Variants in SPTBN1 observed in about 807,000 individuals in gnomAD.
SPTBN1 encodes the protein spectrin beta chain, non-erythrocytic 1.
Under a neutral mutation model 266.4 loss-of-function variants are expected in SPTBN1, and 32 were observed. The ratio of observed to expected loss-of-function variants is 0.12; its 90% CI spans 0.09 to 0.16. The LOEUF is 0.16. Ranked by LOEUF, SPTBN1 falls within the 10% of genes least tolerant of loss-of-function variation. SPTBN1 has a pLI of 1.00. For missense variants in SPTBN1, 2,296 were observed against 3,067.1 expected (o/e 0.75, Z 5.94); for synonymous variants, 1,336 against 1,162.2 (o/e 1.15, Z -3.04).
intron 6 of SPTBN1, among the ~76,000 whole-genome samples, 176 bp from the exon 7 acceptor site, chr2:54,617,902 T>G (rs1677718193): frequency 2.6e-5 from 4 of 152,218 alleles, no homozygotes; most frequent in Admixed American, 2.6e-4. Context: ...TAATTAACTT[T>G]GAAGTGTTTA....
rs529188290 is a variant in SPTBN1 at position 54,515,077 on chromosome 2, A to G, written c.-47-11295A>G. 7.9e-5 allele frequency among the ~76,000 whole-genome samples: 12 copies of G among 152,286 alleles called. 1 individual carries two copies. Among genetic ancestry groups the G allele is most frequent in the African/African-American group, 2.6e-4 (11 of 41,554 alleles). ...AAAACCTAAGATGAGTGCTTGTGAC[A>G]TTTTGCAGACCCTGTCCTCGATGGA... On this transcript the variant is annotated intron_variant, in intron 1 of 35. Transcript: ENST00000356805.
At chr2:54,511,703 A>G (rs1475685464) in intron 1 of SPTBN1, among the ~76,000 whole-genome samples, 1 of 151,982 alleles carries the variant, frequency 6.6e-6, no homozygotes, top group Non-Finnish European at 1.5e-5. Context: ...GTCTCTACTA[A>G]AAATACAAAA....
intron 1 of SPTBN1, among the ~76,000 whole-genome samples, chr2:54,470,145 T>G (rs1693847831): frequency 6.6e-6 from 1 of 152,246 alleles, no homozygotes; most frequent in South Asian, 2.1e-4. Context: ...TCTAGAAATC[T>G]TGCTTAATTC....
At chr2:54,595,796 C>T (rs1676040894) in intron 2 of SPTBN1, among the ~76,000 whole-genome samples, 1 of 152,182 alleles carries the variant, frequency 6.6e-6, no homozygotes, top group Admixed American at 6.5e-5. Flanking sequence ...TTATGGGAGC[C>T]ATCCTGTGTA....
intron 1 of SPTBN1, among the ~76,000 whole-genome samples, chr2:54,480,045 A>G (rs1380734964): frequency 6.6e-6 from 1 of 152,120 alleles, no homozygotes; most frequent in African/African-American, 2.4e-5. Flanking sequence ...GCTTTATCTG[A>G]GCCCTTTCCT....
In SPTBN1 at chr2:54,664,421, A is replaced by G; in HGVS notation, c.6421-32A>G. 2 of 1,596,482 alleles carry G rather than the reference A, an allele frequency of 1.3e-6. No individual in the cohort carries two copies. The highest frequency in any genetic ancestry group is 1.7e-6 in the Non-Finnish European group (2 of 1,166,570). On this transcript the variant is annotated intron_variant, in intron 32 of 35. Transcript: ENST00000356805. The surrounding 1 kb of genome is among the most constrained non-coding windows in gnomAD (Gnocchi z 5.6). ...ATGTGGTCACCCCCATGGCTCACGG[A>G]GTTAGCTGAATGGCCTCTCCGCTGT... is the stretch of plus-strand genomic sequence containing the variant.
intron 1 of SPTBN1, among the ~76,000 whole-genome samples, chr2:54,496,439 TAA>T (rs10623542): frequency 1.7e-4 from 21 of 126,330 alleles, no homozygotes; most frequent in Admixed American, 3.4e-4. Context: ...CTCCGTGTCT[TAA>T]AAAAAAAAAA....
intron 2 of SPTBN1, among the ~76,000 whole-genome samples, chr2:54,550,273 G>A (rs1253689624): frequency 1.3e-5 from 2 of 152,166 alleles, no homozygotes; most frequent in African/African-American, 4.8e-5. Context: ...AATTATTCAG[G>A]GGCTGTGCCC....
At chr2:54,485,316 G>A (rs1335252779) in intron 1 of SPTBN1, among the ~76,000 whole-genome samples, 1 of 150,276 alleles carries the variant, frequency 6.7e-6, no homozygotes, top group Non-Finnish European at 1.5e-5. Flanking sequence ...TCAGCCTGCC[G>A]AGTGCCTGCA....
chr2:54,610,134 C>G (rs756888691), intron 3 of SPTBN1, among the ~76,000 whole-genome samples: 6 of 150,700 alleles, frequency 4.0e-5, no homozygotes, highest in Non-Finnish European at 8.9e-5. Context: ...TCTTGGTCAG[C>G]AAAAGCTGCT....
chr2:54,458,056 C>T (rs556375354), intron 1 of SPTBN1, among the ~76,000 whole-genome samples: 1 of 152,312 alleles, frequency 6.6e-6, no homozygotes, highest in South Asian at 2.1e-4. Flanking sequence ...GTGGATCGTC[C>T]ATAATCTGTA....
chr2:54,599,993 T>G lies in SPTBN1; in HGVS notation c.300+750T>G, dbSNP rs573002406. On this transcript the variant is annotated intron_variant, in intron 3 of 35. Transcript: ENST00000356805. ...TCCTCCCAGAGCACATGTAGTGCCA[T>G]AGGTGGAAGTGGTGCCGAGCCAGAA... is the stretch of plus-strand genomic sequence containing the variant. Among the ~76,000 whole-genome samples, 7 of 152,292 alleles carry G rather than the reference T, an allele frequency of 4.6e-5. No homozygotes were observed. The East Asian group carries it at 7.7e-4, about 17-fold the overall frequency.
At chr2:54,623,321 A>G (rs556488757) in intron 9 of SPTBN1, among the ~76,000 whole-genome samples, 158 bp from the exon 10 acceptor site, 14 of 152,354 alleles carry the variant, frequency 9.2e-5, no homozygotes, top group African/African-American at 2.6e-4. Context: ...ACGGTTTGGT[A>G]TGTTTCAAGG....
intron 10 of SPTBN1, among the ~76,000 whole-genome samples, chr2:54,624,579 A>T (rs1678204804): frequency 1.3e-5 from 2 of 152,230 alleles, no homozygotes; most frequent in Non-Finnish European, 2.9e-5. Context: ...TACAACACAG[A>T]ATCTTTAGAT....
At chr2:54,663,657 ATGGGGAAGGCCC>A (rs1414376658) in intron 32 of SPTBN1, 3 of 152,424 alleles carry the variant, frequency 2.0e-5, no homozygotes, top group Non-Finnish European at 4.4e-5. Context: ...CCAACCCGTG[ATGGGGAAGGCCC>A]TGGTTCTGTC....
At chr2:54,472,844 C>G (rs1215396799) in intron 1 of SPTBN1, among the ~76,000 whole-genome samples, 9 of 152,130 alleles carry the variant, frequency 5.9e-5, no homozygotes, top group Non-Finnish European at 1.2e-4. Flanking sequence ...TGTTAAATAG[C>G]AGATGAAAAC....
At chr2:54,572,831 C>G (rs1222151059) in intron 2 of SPTBN1, among the ~76,000 whole-genome samples, 1 of 152,142 alleles carries the variant, frequency 6.6e-6, no homozygotes, top group African/African-American at 2.4e-5. Context: ...CACTTGCAGT[C>G]TTTATCAGGG....
intron 16 of SPTBN1, 55 bp downstream of exon 16, chr2:54,631,666 TTTG>T: frequency 6.4e-7 from 1 of 1,558,978 alleles, no homozygotes; most frequent in South Asian, 1.2e-5. Flanking sequence ...CTGGCTGCCT[TTTG>T]AAATGTTTTG....
At chr2:54,551,833 T>C (rs75739144) in intron 2 of SPTBN1, among the ~76,000 whole-genome samples, 3,683 of 152,256 alleles carry the variant, frequency 0.024, 160 homozygotes, top group African/African-American at 0.081. Context: ...CCTCTCTTTT[T>C]TTTTCTTGTT....
Sources: allele counts gnomAD v4.1 joint callset (sites outside exome capture counted in the v4.1 genomes callset), GRCh38; gene constraint gnomAD v4.1.1; non-coding constraint Gnocchi (gnomAD v3.1); transcripts MANE v1.5; gene names NCBI Gene and HGNC (gene_info 2026-07-23, HGNC 2026-07-21).